The following SIL1 variants were observed in gnomAD, a reference collection of about 807,000 sequenced individuals.
The protein encoded by SIL1 is nucleotide exchange factor SIL1.
Under a neutral mutation model 49.1 loss-of-function variants are expected in SIL1, and 40 were observed. That is an observed-to-expected ratio of 0.81 (90% CI 0.63 to 1.06). The LOEUF is 1.06. Ranked by LOEUF, SIL1 falls within the 50% of genes least tolerant of loss-of-function variation. SIL1 has a pLI of 0.00. For synonymous variants in SIL1, 253 were observed against 250.8 expected, an observed-to-expected ratio of 1.01 and a Z score of -0.08; for missense variants, 500 against 572.6, an observed-to-expected ratio of 0.87 and a Z score of 1.29.
chr5:139,152,950 C>T (rs986269572), intron 1 of SIL1, among the ~76,000 whole-genome samples: 3 of 152,302 alleles, frequency 2.0e-5, no homozygotes, highest in Non-Finnish European at 4.4e-5. Flanking sequence ...TCCCAAGTAG[C>T]TGGGATTACA....
chr5:139,026,575 G>A (rs1362695811), intron 6 of SIL1, among the ~76,000 whole-genome samples: 1 of 152,082 alleles, frequency 6.6e-6, no homozygotes, highest in East Asian at 1.9e-4. Context: ...TGCACTCCAG[G>A]CTGGGTGACC....
chr5:139,195,268 G>A (rs571878669), intron 1 of SIL1, among the ~76,000 whole-genome samples: 6 of 152,130 alleles, frequency 3.9e-5, no homozygotes, highest in South Asian at 2.1e-4. Context: ...TCTCATTAAC[G>A]GCAAATCTTC....
rs569826468 is a variant in SIL1 at position 139,100,414 on chromosome 5, A to G, written c.244+20621T>C. 2.0e-5 allele frequency among the ~76,000 whole-genome samples: 3 copies of G among 152,324 alleles called. No individual in the cohort carries two copies. In the East Asian group the frequency reaches 5.8e-4, roughly 29 times the overall value. On this transcript the variant is annotated intron_variant, in intron 3 of 9. Transcript: ENST00000394817. ...ATAAGGGAGAGTAGCAGCAAATGAA[A>G]TGACAGAGGTAATGGTGAGCCGCAT... is the stretch of plus-strand genomic sequence containing the variant.
intron 7 of SIL1, among the ~76,000 whole-genome samples, chr5:138,962,064 C>T (rs887471127): frequency 6.7e-6 from 1 of 150,284 alleles, no homozygotes; most frequent in Non-Finnish European, 1.5e-5. Flanking sequence ...AGAAAACTGT[C>T]AGAAAAGAGA....
At chr5:139,150,506 T>TCC (rs1751275614) in intron 1 of SIL1, among the ~76,000 whole-genome samples, 1 of 151,982 alleles carries the variant, frequency 6.6e-6, no homozygotes, top group South Asian at 2.1e-4. Flanking sequence ...TTATAGCCAC[T>TCC]CCCCACTTCT....
chr5:139,186,222 G>A (rs1049671033), intron 1 of SIL1, among the ~76,000 whole-genome samples: 3 of 152,152 alleles, frequency 2.0e-5, no homozygotes, highest in African/African-American at 7.2e-5. Context: ...AGAATATAAG[G>A]GAGGATAAAG....
chr5:139,121,468 G>A (rs1332103713), intron 2 of SIL1, among the ~76,000 whole-genome samples: 2 of 152,100 alleles, frequency 1.3e-5, no homozygotes, highest in Non-Finnish European at 2.9e-5. Flanking sequence ...AACACATTAG[G>A]GACAGGGGCT....
intron 1 of SIL1, among the ~76,000 whole-genome samples, chr5:139,174,053 C>T (rs562358522): frequency 1.3e-5 from 2 of 149,598 alleles, no homozygotes. Context: ...CAAACTAAAC[C>T]CAAAGCTAGC....
chr5:139,133,090 C>T (rs1405242709), intron 1 of SIL1, among the ~76,000 whole-genome samples: 1 of 152,154 alleles, frequency 6.6e-6, no homozygotes, highest in Non-Finnish European at 1.5e-5. Flanking sequence ...TTCTCATCAT[C>T]CTTGGCTTTC....
At chr5:139,081,488 ACCCTCCCTAGTTCTTGG>A (rs1330542852) in intron 3 of SIL1, among the ~76,000 whole-genome samples, 2 of 151,800 alleles carry the variant, frequency 1.3e-5, no homozygotes, top group Non-Finnish European at 2.9e-5. Flanking sequence ...AGCTCAAGAA[ACCCTCCCTAGTTCTTGG>A]CCCTCTACAG....
At chr5:139,146,506 C>T (rs1751199720) in intron 1 of SIL1, among the ~76,000 whole-genome samples, 1 of 152,092 alleles carries the variant, frequency 6.6e-6, no homozygotes, top group Admixed American at 6.6e-5. Flanking sequence ...TGCAGTTAGT[C>T]ATGATGGCAC....
intron 2 of SIL1, among the ~76,000 whole-genome samples, chr5:139,123,974 T>C (rs1750707208): frequency 6.6e-6 from 1 of 152,214 alleles, no homozygotes; most frequent in Non-Finnish European, 1.5e-5. Context: ...GGTCTTGAAC[T>C]CCTGGACTTA....
chr5:139,182,272 A>G (rs1193832642), intron 1 of SIL1, among the ~76,000 whole-genome samples: 1 of 152,172 alleles, frequency 6.6e-6, no homozygotes, highest in Admixed American at 6.5e-5. Flanking sequence ...TCAGAAGGAA[A>G]TTAATATGAC....
At chr5:139,142,185 C>T (rs925074825) in intron 1 of SIL1, among the ~76,000 whole-genome samples, 1 of 152,208 alleles carries the variant, frequency 6.6e-6, no homozygotes, top group Admixed American at 6.5e-5. Context: ...GTTTAACAGG[C>T]ACTTACTGGC....
chr5:138,997,123 T>A (rs983003177), intron 7 of SIL1, among the ~76,000 whole-genome samples: 3 of 152,018 alleles, frequency 2.0e-5, no homozygotes, highest in African/African-American at 7.2e-5. Flanking sequence ...AGAGAAGGGG[T>A]CTCACTGTGT....
At chr5:139,008,202 G>A (rs1308851323) in intron 7 of SIL1, among the ~76,000 whole-genome samples, 33 of 151,510 alleles carry the variant, frequency 2.2e-4, no homozygotes, top group African/African-American at 2.4e-4. Flanking sequence ...GAGTGTATGT[G>A]TCGAGGAATT....
At chr5:139,123,655 A>G (rs1033932306) in intron 2 of SIL1, among the ~76,000 whole-genome samples, 1 of 152,318 alleles carries the variant, frequency 6.6e-6, no homozygotes, top group Non-Finnish European at 1.5e-5. Context: ...AGGTGTGTCA[A>G]TGAAATGCCC....
At chr5:138,959,754 G>GCTC (rs1766978188) in intron 7 of SIL1, among the ~76,000 whole-genome samples, 1 of 152,196 alleles carries the variant, frequency 6.6e-6, no homozygotes, top group Admixed American at 6.5e-5. Context: ...TACCCTCAGG[G>GCTC]ATCCAGGCTG....
At chr5:139,196,952 T>C (rs1163492263) in intron 1 of SIL1, among the ~76,000 whole-genome samples, 1 of 151,890 alleles carries the variant, frequency 6.6e-6, no homozygotes, top group African/African-American at 2.4e-5. Context: ...CACAACAAAA[T>C]ATCTTTCACA....
Sources: allele counts gnomAD v4.1 joint callset (sites outside exome capture counted in the v4.1 genomes callset), GRCh38; gene constraint gnomAD v4.1.1; transcripts MANE v1.5; gene names NCBI Gene and HGNC (gene_info 2026-07-23, HGNC 2026-07-21).